ABTB2: variants seen among roughly 807,000 people sequenced by gnomAD.
The protein encoded by ABTB2 is ankyrin repeat and BTB/POZ domain-containing protein 2.
ABTB2 carries 56 observed loss-of-function variants against 104.1 expected under a neutral mutation model. That is an observed-to-expected ratio of 0.54 (90% CI 0.43 to 0.67). The LOEUF (loss-of-function observed/expected upper bound fraction) is 0.67, where lower values mean the gene tolerates loss of function less well. Ranked by LOEUF, ABTB2 falls within the 30% of genes least tolerant of loss-of-function variation. The pLI, the probability that ABTB2 is intolerant of heterozygous loss-of-function variation, is 0.00. For missense variants in ABTB2, 1,279 were observed against 1,407.7 expected (o/e 0.91, Z 1.46); for synonymous variants, 606 against 608.2 (o/e 1.00, Z 0.05).
At chr11:34,196,379 C>A (rs1369252228) in intron 3 of ABTB2, among the ~76,000 whole-genome samples, 1 of 152,112 alleles carries the variant, frequency 6.6e-6, no homozygotes, top group East Asian at 1.9e-4. Context: ...CAGTGCAACC[C>A]CGTCTCTACT....
chr11:34,341,318 G>A (rs958891039), intron 1 of ABTB2, among the ~76,000 whole-genome samples: 2 of 152,184 alleles, frequency 1.3e-5, no homozygotes, highest in Non-Finnish European at 2.9e-5. Context: ...CCAGAGGTTA[G>A]AGCCACAAGA....
At chr11:34,187,497 G>GT (rs1457560544) in intron 3 of ABTB2, among the ~76,000 whole-genome samples, 1 of 89,332 alleles carries the variant, frequency 1.1e-5, no homozygotes, top group African/African-American at 3.7e-5. Flanking sequence ...TATCTTCTTT[G>GT]CCTTTTTTTT....
intron 1 of ABTB2, among the ~76,000 whole-genome samples, chr11:34,306,482 G>A (rs923072148): frequency 3.3e-5 from 5 of 151,970 alleles, no homozygotes; most frequent in Admixed American, 6.6e-5. Context: ...CCTGACCTCA[G>A]CTGATCTGCC....
intron 1 of ABTB2, among the ~76,000 whole-genome samples, chr11:34,244,722 C>A (rs774068003): frequency 6.6e-6 from 1 of 152,108 alleles, no homozygotes; most frequent in African/African-American, 2.4e-5. Context: ...TATCAAACTG[C>A]GATTCTAGGG....
At chr11:34,163,823 C>T (rs1302325816) in intron 9 of ABTB2, among the ~76,000 whole-genome samples, 1 of 152,210 alleles carries the variant, frequency 6.6e-6, no homozygotes, top group African/African-American at 2.4e-5. Context: ...GGGTCCTGTG[C>T]TCAGAGTGAC....
intron 16 of ABTB2, 150 bp from the exon 17 acceptor site, chr11:34,152,734 C>T: frequency 1.4e-6 from 1 of 691,632 alleles, no homozygotes; most frequent in Non-Finnish European, 2.4e-6. Context: ...ATCCTGAGGC[C>T]ACCTCTGCTA....
intron 3 of ABTB2, among the ~76,000 whole-genome samples, chr11:34,192,637 C>T (rs1402423691): frequency 1.3e-5 from 2 of 152,244 alleles, no homozygotes; most frequent in Non-Finnish European, 2.9e-5. Flanking sequence ...GAGAACGAGG[C>T]AAGAGGCCAG....
At chr11:34,202,119 C>T (rs1224119913) in intron 2 of ABTB2, among the ~76,000 whole-genome samples, 1 of 152,206 alleles carries the variant, frequency 6.6e-6, no homozygotes, top group African/African-American at 2.4e-5. Context: ...AGATGATAAA[C>T]TATTCGTAAG....
intron 3 of ABTB2, among the ~76,000 whole-genome samples, chr11:34,182,543 C>G (rs1341654489): frequency 6.8e-6 from 1 of 147,126 alleles, no homozygotes; most frequent in Admixed American, 6.9e-5. Flanking sequence ...TCATCTGGTA[C>G]AGATTAGAGG....
intron 5 of ABTB2, among the ~76,000 whole-genome samples, chr11:34,169,771 C>A (rs913819728): frequency 6.6e-6 from 1 of 152,040 alleles, no homozygotes; most frequent in African/African-American, 2.4e-5. Context: ...GACTGCCCCA[C>A]CCCACACTCC....
intron 3 of ABTB2, among the ~76,000 whole-genome samples, chr11:34,176,090 C>G (rs183781915): frequency 6.6e-6 from 1 of 151,920 alleles, no homozygotes; most frequent in African/African-American, 2.4e-5. Context: ...GACCAGCCTG[C>G]CCAATATGGT....
chr11:34,329,653 C>T (rs1050269172), intron 1 of ABTB2, among the ~76,000 whole-genome samples: 7 of 152,234 alleles, frequency 4.6e-5, no homozygotes, highest in African/African-American at 1.2e-4. Context: ...AAAGCTGAGG[C>T]TGCTGCAGCT....
At position 34,160,971 on chromosome 11, in the gene ABTB2, CCT is replaced by C. The variant is rs1409890001; in HGVS notation, c.2327_2328del (p.Glu776GlyfsTer66). On this transcript the variant is annotated frameshift_variant, in exon 11 of 17. Transcript: ENST00000435224. LOFTEE classifies it high-confidence loss of function. ...GTCACCAGCTCCTCGTTGTACTCCTCCTCTCTGATGGAGCTGAAGTCCCGCAG... is the reference window on the plus strand; with the variant it reads ...GTCACCAGCTCCTCGTTGTACTCCTCCTCTGATGGAGCTGAAGTCCCGCAG... ...SLLRDFSSIR[E>X]EEYNEELVTE... The C allele has an allele frequency of 6.2e-7, 1 of 1,613,810 alleles. No homozygotes were observed.
intron 1 of ABTB2, among the ~76,000 whole-genome samples, chr11:34,211,103 C>G (rs1853475609): frequency 6.6e-6 from 1 of 152,094 alleles, no homozygotes; most frequent in African/African-American, 2.4e-5. Context: ...TAAGGACAGT[C>G]AATTCATTCT....
At chr11:34,258,377 C>T (rs1267749871) in intron 1 of ABTB2, among the ~76,000 whole-genome samples, 2 of 152,078 alleles carry the variant, frequency 1.3e-5, no homozygotes, top group Non-Finnish European at 1.5e-5. Flanking sequence ...TCACACCTGT[C>T]TTACAGATGA....
chr11:34,291,539 A>G (rs1854565475), intron 1 of ABTB2, among the ~76,000 whole-genome samples: 1 of 152,202 alleles, frequency 6.6e-6, no homozygotes. Flanking sequence ...CTTGTTGCCC[A>G]GGCTGGAGTG....
intron 1 of ABTB2, among the ~76,000 whole-genome samples, chr11:34,330,922 T>C (rs1325313298): frequency 1.3e-5 from 2 of 152,228 alleles, no homozygotes; most frequent in Admixed American, 1.3e-4. Context: ...CCCTTCCTGA[T>C]TCTCCAACTT....
chr11:34,155,506 T>C (rs1031794017), intron 14 of ABTB2, among the ~76,000 whole-genome samples: 4 of 152,200 alleles, frequency 2.6e-5, no homozygotes, highest in Non-Finnish European at 4.4e-5. Flanking sequence ...AGGTTCCCAG[T>C]TGGAAAAAGA....
intron 9 of ABTB2, among the ~76,000 whole-genome samples, chr11:34,163,656 C>A (rs535045854): frequency 6.6e-6 from 1 of 152,358 alleles, no homozygotes; most frequent in African/African-American, 2.4e-5. Flanking sequence ...TCCTACCTGC[C>A]AAGCCCATGG....
Sources: allele counts gnomAD v4.1 joint callset (sites outside exome capture counted in the v4.1 genomes callset), GRCh38; gene constraint gnomAD v4.1.1; transcripts MANE v1.5; gene names NCBI Gene and HGNC (gene_info 2026-07-23, HGNC 2026-07-21).